The following RIC1 variants were observed in gnomAD, a reference collection of about 807,000 sequenced individuals.
RIC1 encodes RIC1 partner of RAB6A GEF complex, also known as guanine nucleotide exchange factor subunit RIC1.
Under a neutral mutation model 169.0 loss-of-function variants are expected in RIC1, and 88 were observed. That is an observed-to-expected ratio of 0.52 (90% CI 0.44 to 0.62). The LOEUF (loss-of-function observed/expected upper bound fraction) is 0.62. Ranked by LOEUF, RIC1 falls within the 20% of genes least tolerant of loss-of-function variation. The pLI is 0.00. For synonymous variants in RIC1, 790 were observed against 601.5 expected (o/e 1.31, Z -4.59); for missense variants, 1,877 against 1,725.5 (o/e 1.09, Z -1.56).
At chr9:5,701,876 A>G (rs1052311611) in intron 3 of RIC1, among the ~76,000 whole-genome samples, 1 of 152,196 alleles carries the variant, frequency 6.6e-6, no homozygotes, top group Non-Finnish European at 1.5e-5. Flanking sequence ...AACTGTTAAC[A>G]TTTAATACAC....
chr9:5,692,831 A>G (rs1161620990), intron 3 of RIC1, among the ~76,000 whole-genome samples: 1 of 152,044 alleles, frequency 6.6e-6, no homozygotes, highest in Non-Finnish European at 1.5e-5. Flanking sequence ...ACCCTTCTGT[A>G]GTTTGAGACA....
chr9:5,629,349 C>T lies in RIC1; in HGVS notation c.40C>T (p.Pro14Ser), dbSNP rs1379818620. Residue 14 changes from proline (P) to serine (S), a missense_variant, in exon 1 of 26, where the codon CCT becomes TCT. Physicochemically the swap from Pro to Ser is moderately conservative, Grantham distance 74. Transcript: ENST00000414202. ...LSGWPKRLLC[P>S]LGSPAEAPFH... ...CGGCTGGCCCAAGAGGCTGCTGTGCCCTCTGGGGAGCCCGGCCGAGGCGCC... is the reference window on the plus strand; with the variant it reads ...CGGCTGGCCCAAGAGGCTGCTGTGCTCTCTGGGGAGCCCGGCCGAGGCGCC... 6.5e-7 allele frequency: 1 copy of T among 1,534,074 alleles called. No homozygotes were observed. Among genetic ancestry groups the T allele is most frequent in the Non-Finnish European group, 8.7e-7 (1 of 1,146,176 alleles).
At chr9:5,688,951 T>A (rs981076945) in intron 2 of RIC1, among the ~76,000 whole-genome samples, 6 of 152,028 alleles carry the variant, frequency 3.9e-5, no homozygotes, top group African/African-American at 9.7e-5. Flanking sequence ...CTTACAGAAA[T>A]GTAAAATGGT....
chr9:5,756,174 C>T lies in RIC1; in HGVS notation c.1693-38C>T, dbSNP rs768395994. ...GTATTTGGTCATCCCTAGTAGTTAT[C>T]TTGTTTTTATAATTTTCTTCATTTT... is the stretch of plus-strand genomic sequence containing the variant. On this transcript the variant is annotated intron_variant, in intron 15 of 25. Coordinates refer to ENST00000414202, the MANE Select transcript of RIC1 (RefSeq NM_020829.4). 9.0e-6 allele frequency: 12 copies of T among 1,332,440 alleles called. No individual in the cohort carries two copies. In the Admixed American group the frequency reaches 2.5e-4, roughly 28 times the overall value. The allele number at this position is 1,332,440 out of a possible 1,614,324, so 82.5% of individuals were successfully genotyped here. A position where few individuals can be genotyped will look rare whatever the true frequency, so the allele number is the denominator to read the frequency against.
At chr9:5,777,517 AATGTCCTTT>A (rs1261092753), downstream of RIC1, among the ~76,000 whole-genome samples, 6 of 151,944 alleles carry the variant, frequency 3.9e-5, no homozygotes, top group Non-Finnish European at 7.4e-5. Flanking sequence ...CTTTCTCCAT[AATGTCCTTT>A]GAAACACTGT....
chr9:5,728,480 C>T (rs1824143414), intron 6 of RIC1, among the ~76,000 whole-genome samples: 2 of 152,254 alleles, frequency 1.3e-5, no homozygotes, highest in Non-Finnish European at 2.9e-5. Context: ...TCCCCGACCC[C>T]TTGCACTTCC....
rs563627831 is a variant in RIC1, at chr9:5,681,423, G to T, written c.253-8536G>T. 5.9e-5 allele frequency among the ~76,000 whole-genome samples: 9 copies of T among 151,862 alleles called. No homozygotes were observed. The South Asian group carries it at 1.9e-3, about 32-fold the overall frequency. ...TTCTGCCTTCATTTCGCAGGAGCAGGTTGTTCAGTGTCCATGTAGTTGAGT... is the reference window on the plus strand; with the variant it reads ...TTCTGCCTTCATTTCGCAGGAGCAGTTTGTTCAGTGTCCATGTAGTTGAGT... On this transcript the variant is annotated intron_variant, in intron 2 of 25. Coordinates refer to ENST00000414202, the MANE Select transcript of RIC1 (RefSeq NM_020829.4).
intron 8 of RIC1, among the ~76,000 whole-genome samples, chr9:5,739,915 C>A (rs1045605854): frequency 6.6e-6 from 1 of 152,188 alleles, no homozygotes; most frequent in African/African-American, 2.4e-5. Flanking sequence ...TGAGGCTGTG[C>A]ATGCACCTTT....
intron 2 of RIC1, among the ~76,000 whole-genome samples, chr9:5,675,178 C>T (rs1359770602): frequency 6.6e-6 from 1 of 152,076 alleles, no homozygotes; most frequent in Non-Finnish European, 1.5e-5. Flanking sequence ...AAACTAATTC[C>T]GATTGGCTAA....
At chr9:5,639,475 T>A (rs1410937983) in intron 1 of RIC1, among the ~76,000 whole-genome samples, 1 of 152,228 alleles carries the variant, frequency 6.6e-6, no homozygotes, top group South Asian at 2.1e-4. Context: ...TTATTTCAGT[T>A]TTTTTGAATA....
chr9:5,753,717 A>G, intron 14 of RIC1, 71 bp downstream of exon 14: 1 of 650,346 alleles, frequency 1.5e-6, no homozygotes, highest in Non-Finnish European at 2.5e-6. Context: ...ATAGCTATAA[A>G]GTTTATCACT....
At position 5,629,382 on chromosome 9, in the gene RIC1, G is replaced by T; in HGVS notation, c.73G>T (p.Val25Phe). 1 of 1,533,230 alleles carries T rather than the reference G, an allele frequency of 6.5e-7. No individual in the cohort carries two copies. The highest frequency in any genetic ancestry group is 8.7e-7 in the Non-Finnish European group (1 of 1,145,814). 95.0% of individuals were successfully genotyped at this position (1,533,230 alleles called of 1,614,324 possible). ...LGSPAEAPFHVQSDPQRAFFA... is the reference protein window; with the variant it reads ...LGSPAEAPFHFQSDPQRAFFA... ...GAGCCCGGCCGAGGCGCCTTTCCAC[G>T]TTCAGTCCGACCCGCAGAGGGCTTT... The change falls in exon 1 of 26, where the codon GTT becomes TTT. Residue 25 changes from valine (V) to phenylalanine (F), a missense_variant. Val to Phe is a conservative substitution (Grantham distance 50). Around this residue, in one of 3 missense-constraint regions of RIC1, gnomAD observed 1,104 missense variants for 992.0 expected, o/e 1.11. Coordinates refer to ENST00000414202, the MANE Select transcript of RIC1 (RefSeq NM_020829.4).
Position 5,757,337 on chromosome 9 carries a change from A to C in RIC1, c.1878A>C (p.Gln626His). The C allele has an allele frequency of 1.9e-6, 3 of 1,614,040 alleles. No individual in the cohort carries two copies. Among genetic ancestry groups the C allele is most frequent in the Non-Finnish European group, 2.5e-6 (3 of 1,179,932 alleles). Residue 626 changes from glutamine (Q) to histidine (H), a missense_variant, in exon 17 of 26, where the codon CAA becomes CAC. Physicochemically the swap from Gln to His is conservative, Grantham distance 24. Transcript: ENST00000414202. ...SDGPNTTAGI[Q>H]VLQEVSMSRY... ...GTCCAAATACTACTGCTGGTATTCA[A>C]GTTCTTCAGGAGGTTTCCATGTCAC...
intron 1 of RIC1, among the ~76,000 whole-genome samples, chr9:5,650,963 G>A (rs1342440414): frequency 6.6e-6 from 1 of 152,164 alleles, no homozygotes. Flanking sequence ...TTGTGCTCAA[G>A]GGCAGGATGC....
At chr9:5,755,431 TATGAC>T (rs1306048569) in intron 15 of RIC1, among the ~76,000 whole-genome samples, 3 of 152,198 alleles carry the variant, frequency 2.0e-5, no homozygotes, top group Non-Finnish European at 4.4e-5. Flanking sequence ...ATAAAACAAT[TATGAC>T]AGTATATTGT....
chr9:5,664,582 A>G (rs1819641747), intron 2 of RIC1, among the ~76,000 whole-genome samples: 2 of 152,118 alleles, frequency 1.3e-5, no homozygotes, highest in South Asian at 4.2e-4. Context: ...TCTGATGATT[A>G]TATGTCTTGG....
chr9:5,751,991 T>C (rs1286196987), intron 12 of RIC1, among the ~76,000 whole-genome samples: 1 of 152,218 alleles, frequency 6.6e-6, no homozygotes, highest in African/African-American at 2.4e-5. Flanking sequence ...GCTTTTCTTA[T>C]TCCAAGAACA....
chr9:5,740,591 T>C (rs531945651), intron 8 of RIC1, among the ~76,000 whole-genome samples: 6 of 151,330 alleles, frequency 4.0e-5, no homozygotes, highest in Admixed American at 1.3e-4. Context: ...ACTGAAGAAC[T>C]TGGAGTCTGA....
In RIC1 at chr9:5,772,715, G is replaced by A. The variant is rs747477831; in HGVS notation, c.3768G>A (p.Gly1256=). ...TTTCCATGGAGTTGGCCAGTAAAGG[G>A]CCTCATAAATCCCAGGTCCAGCTTC... ...EHISMELASK[G]PHKSQVQLRY... The change falls in exon 24 of 26, where the codon GGG becomes GGA. Residue 1256 remains glycine (G), a synonymous_variant. Transcript: ENST00000414202. The A allele has an allele frequency of 4.9e-5, 79 of 1,608,894 alleles. 1 individual carries two copies. The highest frequency in any genetic ancestry group is 5.1e-6 in the Non-Finnish European group (6 of 1,178,596).
Sources: gnomAD v4.1 joint callset for allele counts (sites outside exome capture counted in the v4.1 genomes callset) on GRCh38, gnomAD v4.1.1 for gene constraint, gnomAD v4.1.1 regional missense constraint, MANE v1.5 for transcripts, NCBI Gene and HGNC (gene_info 2026-07-23, HGNC 2026-07-21) for gene names.